CABIN1: variants seen among roughly 807,000 people sequenced by gnomAD.
The protein encoded by CABIN1 is calcineurin-binding protein cabin-1.
In CABIN1, 133 loss-of-function variants were observed where a neutral mutation model predicts 227.7. That is an observed-to-expected ratio of 0.58 (90% CI 0.51 to 0.67). CABIN1 has a LOEUF of 0.67. Among genes scored for constraint, CABIN1 ranks in the 30% least tolerant of loss-of-function variants. CABIN1 has a pLI of 0.00. For missense variants in CABIN1, 2,408 were observed against 2,852.5 expected, an observed-to-expected ratio of 0.84 and a Z score of 3.55; for synonymous variants, 1,086 against 1,155.1, an observed-to-expected ratio of 0.94 and a Z score of 1.21.
chr22:24,053,809 C>T (rs1224637897), intron 8 of CABIN1, among the ~76,000 whole-genome samples: 1 of 152,022 alleles, frequency 6.6e-6, no homozygotes, highest in Admixed American at 6.6e-5. Context: ...CAGGGGTAAT[C>T]AGTCACCCAG....
In CABIN1 at chr22:24,014,250, TTTTA is replaced by T. The variant is rs1253352878; in HGVS notation, c.-75+2895_-75+2898del. Among the ~76,000 whole-genome samples the T allele has an allele frequency of 4.6e-5, 7 of 152,220 alleles. No homozygotes were observed. In the South Asian group the frequency reaches 1.0e-3, roughly 23 times the overall value. ...TGAAAGGAGAACTACCCTCTCTCTC[TTTTA>T]TTTATTTATTTGATTATTTATGTGT... On this transcript the variant is annotated intron_variant, in intron 1 of 36. Coordinates refer to ENST00000263119, the MANE Select transcript of CABIN1 (RefSeq NM_012295.4).
intron 29 of CABIN1, among the ~76,000 whole-genome samples, chr22:24,154,807 G>A (rs1415549592): frequency 6.6e-6 from 1 of 152,208 alleles, no homozygotes; most frequent in East Asian, 1.9e-4. Flanking sequence ...CCTGGAAGGG[G>A]CACAGAGTAA....
chr22:24,061,890 C>T (rs1442129580), intron 12 of CABIN1, 57 bp from the exon 13 acceptor site: 3 of 1,273,820 alleles, frequency 2.4e-6, no homozygotes, highest in East Asian at 2.3e-5. Flanking sequence ...CCCTACCCCC[C>T]ACACTGTGAA....
At chr22:24,150,670 G>T (rs572801441) in intron 29 of CABIN1, among the ~76,000 whole-genome samples, 11 of 152,324 alleles carry the variant, frequency 7.2e-5, no homozygotes, top group African/African-American at 2.6e-4. Context: ...GGATTGAGAA[G>T]ACCCCAAACC....
intron 33 of CABIN1, among the ~76,000 whole-genome samples, chr22:24,170,730 G>C (rs2046751600): frequency 6.6e-6 from 1 of 151,520 alleles, no homozygotes; most frequent in Non-Finnish European, 1.5e-5. Context: ...AGAAGAGACA[G>C]GGTCATCGGT....
intron 1 of CABIN1, among the ~76,000 whole-genome samples, chr22:24,023,615 A>C (rs992204962): frequency 6.6e-6 from 1 of 152,084 alleles, no homozygotes; most frequent in East Asian, 1.9e-4. Context: ...ATAGTATCTC[A>C]CTGTAGTTTT....
Position 24,101,303 on chromosome 22 carries a change from T to C in CABIN1, c.4117+3111T>C, listed in dbSNP as rs571082242. Among the ~76,000 whole-genome samples the C allele has an allele frequency of 3.3e-5, 5 of 152,326 alleles. No individual in the cohort carries two copies. In the South Asian group the frequency reaches 1.0e-3, roughly 32 times the overall value. On this transcript the variant is annotated intron_variant, in intron 26 of 36. Transcript: ENST00000263119. ...TTTAGAAAAGATTTAGAAAAATAGC[T>C]CCAGGTACATGTGGGTTGTTTGACA...
intron 24 of CABIN1, among the ~76,000 whole-genome samples, chr22:24,095,275 G>T (rs1342020990): frequency 6.6e-6 from 1 of 152,250 alleles, no homozygotes; most frequent in East Asian, 1.9e-4. Flanking sequence ...GAAGATCAGG[G>T]CAGACCTGGT....
chr22:24,049,757 C>T (rs1190649051), intron 7 of CABIN1, among the ~76,000 whole-genome samples: 1 of 152,178 alleles, frequency 6.6e-6, no homozygotes, highest in Non-Finnish European at 1.5e-5. Context: ...CTTGCAGTTT[C>T]CAGGCGTGGT....
intron 19 of CABIN1, among the ~76,000 whole-genome samples, chr22:24,079,387 A>G (rs1350968584): frequency 6.6e-6 from 1 of 152,220 alleles, no homozygotes; most frequent in Non-Finnish European, 1.5e-5. Flanking sequence ...TTTTATGTAT[A>G]CATGTGAGAG....
At chr22:24,026,840 CT>C (rs2036126823) in intron 1 of CABIN1, among the ~76,000 whole-genome samples, 1 of 152,158 alleles carries the variant, frequency 6.6e-6, no homozygotes, top group South Asian at 2.1e-4. Flanking sequence ...TATTACTATT[CT>C]TTTCAAAACT....
chr22:24,122,419 C>T (rs1166513039), intron 28 of CABIN1, among the ~76,000 whole-genome samples: 1 of 152,136 alleles, frequency 6.6e-6, no homozygotes, highest in African/African-American at 2.4e-5. Flanking sequence ...CCAAAATGCT[C>T]CAATGAGGCT....
At chr22:24,160,225 C>T (rs1242524615) in intron 29 of CABIN1, 1 of 152,228 alleles carries the variant, frequency 6.6e-6, no homozygotes, top group East Asian at 1.9e-4. Context: ...CAGCCCACAC[C>T]TGACCCTCGT....
intron 1 of CABIN1, among the ~76,000 whole-genome samples, chr22:24,031,082 T>A (rs2036459395): frequency 6.6e-6 from 1 of 152,186 alleles, no homozygotes; most frequent in South Asian, 2.1e-4. Flanking sequence ...ACATGGACCC[T>A]GCCACCGCCA....
At chr22:24,133,170 C>T (rs1482837341) in intron 28 of CABIN1, among the ~76,000 whole-genome samples, 2 of 152,162 alleles carry the variant, frequency 1.3e-5, no homozygotes, top group African/African-American at 4.8e-5. Context: ...AGCCACAGGG[C>T]CCTCCCTGCC....
At position 24,042,842 on chromosome 22, in the gene CABIN1, G is replaced by C. The variant is rs1391064062; in HGVS notation, c.346-62G>C. On this transcript the variant is annotated intron_variant, in intron 5 of 36. Transcript: ENST00000263119. ...ACTGTGTGTGTGTGTGTGTGTGTGT[G>C]TGTGTGTGTGTGTGTGTGTGTGTGT... is the stretch of plus-strand genomic sequence containing the variant. 10 of 748,714 alleles carry C rather than the reference G, an allele frequency of 1.3e-5. 1 individual carries two copies. In the East Asian group the frequency reaches 2.2e-4, roughly 17 times the overall value. 46.4% of individuals were successfully genotyped at this position (748,714 alleles called of 1,614,324 possible). A position where few individuals can be genotyped will look rare whatever the true frequency, so the allele number is the denominator to read the frequency against.
chr22:24,163,451 C>T (rs551873902), intron 29 of CABIN1, among the ~76,000 whole-genome samples: 1 of 152,266 alleles, frequency 6.6e-6, no homozygotes, highest in South Asian at 2.1e-4. Flanking sequence ...GCCCAAGTCC[C>T]CAGAATCCTA....
chr22:24,091,903 TC>T, intron 24 of CABIN1, 60 bp downstream of exon 24: 1 of 1,593,750 alleles, frequency 6.3e-7, no homozygotes, highest in Admixed American at 1.7e-5. Context: ...TTTCTTTATC[TC>T]CCTGGGCATG....
At chr22:24,076,419 T>G in intron 19 of CABIN1, 135 bp downstream of exon 19, 1 of 719,140 alleles carries the variant, frequency 1.4e-6, no homozygotes, top group Non-Finnish European at 2.5e-6. Context: ...ACTGTGTGTC[T>G]TTGACTTACT....
Sources: allele counts gnomAD v4.1 joint callset (sites outside exome capture counted in the v4.1 genomes callset), GRCh38; gene constraint gnomAD v4.1.1; transcripts MANE v1.5; gene names NCBI Gene and HGNC (gene_info 2026-07-23, HGNC 2026-07-21).